The following LACTBL1 variants were observed in gnomAD, a reference collection of about 807,000 sequenced individuals.
LACTBL1 encodes lactamase beta like 1.
LACTBL1 carries 29 observed loss-of-function variants against 39.6 expected under a neutral mutation model. The ratio of observed to expected loss-of-function variants is 0.73; its 90% CI spans 0.55 to 1.00. The LOEUF is 1.00. Among genes scored for constraint, LACTBL1 ranks in the 50% least tolerant of loss-of-function variants. The pLI is 0.00. For missense variants in LACTBL1, 711 were observed against 748.5 expected, an observed-to-expected ratio of 0.95 and a Z score of 0.59; for synonymous variants, 361 against 360.7, an observed-to-expected ratio of 1.00 and a Z score of -0.01.
At chr1:22,957,714 G>A (rs1474580344) in intron 4 of LACTBL1, among the ~76,000 whole-genome samples, 3 of 126,162 alleles carry the variant, frequency 2.4e-5, no homozygotes, top group African/African-American at 6.0e-5. Context: ...GCAATGACGC[G>A]ATCTCAGCTC....
At chr1:22,953,598 C>T in exon 6 of LACTBL1, 27 of 1,260,040 alleles carry the variant, frequency 2.1e-5, no homozygotes, top group Non-Finnish European at 2.5e-5. Flanking sequence ...GATCGCCGTC[C>T]TTGCGCACCA....
In LACTBL1 at chr1:22,953,330, G is replaced by A. The variant is rs1209267793; in HGVS notation, c.1354C>T (p.Arg452Cys). 8.2e-6 allele frequency: 10 copies of A among 1,225,272 alleles called. No individual in the cohort carries two copies. In the Admixed American group the frequency reaches 1.3e-4, roughly 16 times the overall value. 75.9% of individuals were successfully genotyped at this position (1,225,272 alleles called of 1,614,324 possible). Residue 452 changes from arginine to cysteine, a missense_variant, in exon 6 of 6, where the codon CGC becomes TGC. Arg to Cys is a radical substitution (Grantham distance 180, BLOSUM62 -3). Transcript: ENST00000426928. ...ACGCGCGGCCCGAACTGGCGCAGGC[G>A]CAGCTCGCCCGCCGGCCCGGCGCGC...
At chr1:22,969,587 C>T (rs865923570), upstream of LACTBL1, among the ~76,000 whole-genome samples, 3 of 152,156 alleles carry the variant, frequency 2.0e-5, no homozygotes, top group Non-Finnish European at 2.9e-5. Context: ...CAGCGAACTC[C>T]GCCAGCCCAT....
At chr1:22,965,382 A>G, upstream of LACTBL1, 1 of 1,262,988 alleles carries the variant, frequency 7.9e-7, no homozygotes, top group South Asian at 3.2e-5. Flanking sequence ...GGCCGGGAGG[A>G]GCCACTTCTT....
chr1:22,965,307 A>G, exon 1 of LACTBL1: 6 of 1,321,656 alleles, frequency 4.5e-6, no homozygotes, highest in East Asian at 3.1e-5. Flanking sequence ...CAGCTTGGGG[A>G]GGTGATACTG....
chr1:22,954,477 T>C (rs1453667593), intron 5 of LACTBL1, among the ~76,000 whole-genome samples: 1 of 152,224 alleles, frequency 6.6e-6, no homozygotes, highest in African/African-American at 2.4e-5. Context: ...GCCTCTTTTC[T>C]TTCCCAGAGC....
At position 22,959,316 on chromosome 1, in the gene LACTBL1, A is replaced by G. The variant is rs1640792438; in HGVS notation, c.318-396T>C. Among the ~76,000 whole-genome samples, 3 of 152,250 alleles carry G rather than the reference A, an allele frequency of 2.0e-5. No homozygotes were observed. In the South Asian group the frequency reaches 6.2e-4, roughly 31 times the overall value. On this transcript the variant is annotated intron_variant, in intron 3 of 5. Coordinates refer to ENST00000426928, the Ensembl canonical transcript of LACTBL1. ...AAGAATGGAACGAGGTTGTGCATGC[A>G]AAGTGCCTGTCTACGTTCCTAGGAG...
chr1:22,953,665 T>G, exon 6 of LACTBL1: 1 of 1,271,624 alleles, frequency 7.9e-7, no homozygotes, highest in Middle Eastern at 3.0e-4. Flanking sequence ...GTTGGCGAAG[T>G]AGGCGCCCGG....
At chr1:22,965,807 C>T (rs139480270), upstream of LACTBL1, among the ~76,000 whole-genome samples, 230 of 152,290 alleles carry the variant, frequency 1.5e-3, 1 homozygote, top group African/African-American at 5.2e-3. Flanking sequence ...AGTTGACTCA[C>T]AGTTCAACAT....
At chr1:22,953,062 G>A (rs996339939) in exon 6 of LACTBL1, 3 of 1,232,284 alleles carry the variant, frequency 2.4e-6, no homozygotes, top group Non-Finnish European at 3.0e-6. Context: ...CTTGAACACC[G>A]GCTTGCCCCG....
chr1:22,967,749 A>T (rs563484764), upstream of LACTBL1, among the ~76,000 whole-genome samples: 422 of 152,160 alleles, frequency 2.8e-3, 2 homozygotes, highest in Non-Finnish European at 4.4e-3. Context: ...ATATTTTCTC[A>T]TATATTTACA....
At chr1:22,955,006 G>A (rs1196672071) in intron 5 of LACTBL1, among the ~76,000 whole-genome samples, 2 of 152,240 alleles carry the variant, frequency 1.3e-5, no homozygotes, top group Non-Finnish European at 2.9e-5. Context: ...TTTGCTCACG[G>A]TGTCTCCCTC....
chr1:22,960,968 C>T (rs933819423), intron 2 of LACTBL1, among the ~76,000 whole-genome samples: 10 of 151,942 alleles, frequency 6.6e-5, no homozygotes, highest in African/African-American at 1.7e-4. Context: ...TTTGTAGAGA[C>T]GGCGTCTCAC....
chr1:22,953,958 G>A (rs752926660), exon 6 of LACTBL1: 2 of 1,549,566 alleles, frequency 1.3e-6, no homozygotes, highest in Non-Finnish European at 8.7e-7. Flanking sequence ...GCTGGTAGTC[G>A]CCCTGGGCGG....
chr1:22,963,168 CG>C lies in LACTBL1; in HGVS notation c.97del (p.Arg33GlyfsTer15). 4 of 1,326,770 alleles carry C rather than the reference CG, an allele frequency of 3.0e-6. No homozygotes were observed. Among genetic ancestry groups the C allele is most frequent in the Middle Eastern group, 2.0e-4 (1 of 5,080 alleles). 82.2% of individuals were successfully genotyped at this position (1,326,770 alleles called of 1,614,324 possible). Reference sequence around the variant, plus strand: ...AGCCAGGGGCACGGGCTCAGGGTGCCGGGGACACATCCTCACAGGGGCAGAG... The same window carrying C: ...AGCCAGGGGCACGGGCTCAGGGTGCCGGGACACATCCTCACAGGGGCAGAG... On this transcript the variant is annotated frameshift_variant, in exon 2 of 6. Transcript: ENST00000426928. LOFTEE classifies it high-confidence loss of function.
At chr1:22,957,365 C>T (rs1640772089) in intron 4 of LACTBL1, among the ~76,000 whole-genome samples, 1 of 152,158 alleles carries the variant, frequency 6.6e-6, no homozygotes, top group African/African-American at 2.4e-5. Flanking sequence ...GTGAGTACAT[C>T]TGTAAGAGAA....
intron 4 of LACTBL1, among the ~76,000 whole-genome samples, chr1:22,956,373 AAAGGAG>A (rs1034727309): frequency 2.0e-5 from 3 of 152,052 alleles, no homozygotes; most frequent in Admixed American, 6.6e-5. Context: ...CCTGCCAAAA[AAAGGAG>A]AAGGAGAAGG....
intron 4 of LACTBL1, among the ~76,000 whole-genome samples, chr1:22,956,804 T>C (rs925513805): frequency 6.6e-6 from 1 of 152,194 alleles, no homozygotes; most frequent in Non-Finnish European, 1.5e-5. Context: ...TCTTGACTTG[T>C]TATCATAGCT....
intron 3 of LACTBL1, among the ~76,000 whole-genome samples, chr1:22,959,408 C>T (rs923400319): frequency 6.6e-6 from 1 of 152,226 alleles, no homozygotes; most frequent in African/African-American, 2.4e-5. Context: ...AAAGCAGGTG[C>T]AATTTAAATG....
Sources: allele counts gnomAD v4.1 joint callset (sites outside exome capture counted in the v4.1 genomes callset), GRCh38; gene constraint gnomAD v4.1.1; transcripts MANE v1.5; gene names NCBI Gene and HGNC (gene_info 2026-07-23, HGNC 2026-07-21).